TUT4: variants seen among roughly 807,000 people sequenced by gnomAD.
TUT4 encodes the protein terminal uridylyltransferase 4.
In TUT4, 36 loss-of-function variants were observed where a neutral mutation model predicts 192.2. That is an observed-to-expected ratio of 0.19 (90% CI 0.14 to 0.25). The LOEUF (loss-of-function observed/expected upper bound fraction) is 0.25, where lower values mean the gene tolerates loss of function less well. Ranked by LOEUF, TUT4 falls within the 10% of genes least tolerant of loss-of-function variation. The pLI, the probability that TUT4 is intolerant of heterozygous loss-of-function variation, is 1.00. For missense variants in TUT4, 1,493 were observed against 1,957.2 expected, an observed-to-expected ratio of 0.76 and a Z score of 4.47; for synonymous variants, 618 against 666.0, an observed-to-expected ratio of 0.93 and a Z score of 1.11.
At chr1:52,549,797 G>GAA (rs140197850) in intron 1 of TUT4, among the ~76,000 whole-genome samples, 3 of 150,100 alleles carry the variant, frequency 2.0e-5, no homozygotes, top group Non-Finnish European at 3.0e-5. Context: ...CTGAACGAGT[G>GAA]AAAAAAAAAT....
In TUT4 at chr1:52,446,451, A is replaced by T. The variant is rs1557676610; in HGVS notation, c.3514-9T>A. On this transcript the variant is annotated splice_polypyrimidine_tract_variant and intron_variant, in intron 21 of 29. Coordinates refer to ENST00000257177, the MANE Select transcript of TUT4 (RefSeq NM_001009881.3). Reference sequence around the variant, plus strand: ...GAAGGTAAACGCTTTTTCTACATATAAAAAAAAAAAGAAAAGAACAATGTC... The same window carrying T: ...GAAGGTAAACGCTTTTTCTACATATTAAAAAAAAAAGAAAAGAACAATGTC... 6.6e-6 allele frequency: 5 copies of T among 756,786 alleles called. No individual in the cohort carries two copies. Among genetic ancestry groups the T allele is most frequent in the South Asian group, 2.7e-5 (1 of 36,900 alleles). 46.9% of individuals were successfully genotyped at this position (756,786 alleles called of 1,614,324 possible).
Position 52,436,775 on chromosome 1 carries a change from T to C in TUT4, c.4142A>G (p.Gln1381Arg), listed in dbSNP as rs1205564486. ...RECPEVKLARQRNSSVAAAQL... is the reference protein window; with the variant it reads ...RECPEVKLARRRNSSVAAAQL... Reference sequence around the variant, plus strand: ...TTTACCTGCCACACTGCTATTCCTCTGACGGGCCAGCTTGACCTCTGGGCA... The same window carrying C: ...TTTACCTGCCACACTGCTATTCCTCCGACGGGCCAGCTTGACCTCTGGGCA... The change falls in exon 26 of 30, where the codon CAG (glutamine) becomes CGG (arginine). Residue 1381 changes from glutamine (Q) to arginine (R), a missense_variant. Gln to Arg is a conservative substitution (Grantham distance 43, BLOSUM62 1). Around this residue, in one of 7 missense-constraint regions of TUT4, gnomAD observed 351 missense variants for 397.8 expected, o/e 0.88. Coordinates refer to ENST00000257177, the MANE Select transcript of TUT4 (RefSeq NM_001009881.3). 42 of 1,613,738 alleles carry C rather than the reference T, an allele frequency of 2.6e-5. No homozygotes were observed. The highest frequency in any genetic ancestry group is 3.5e-5 in the Non-Finnish European group (41 of 1,180,028).
In TUT4 at chr1:52,497,180, T is replaced by C; in HGVS notation, c.1003A>G (p.Lys335Glu). 4 of 1,598,526 alleles carry C rather than the reference T, an allele frequency of 2.5e-6. No individual in the cohort carries two copies. The highest frequency in any genetic ancestry group is 3.4e-6 in the Non-Finnish European group (4 of 1,175,954). Residue 335 changes from lysine (K) to glutamate (E), a missense_variant, in exon 5 of 30, where the codon AAA (lysine) becomes GAA (glutamate). Coordinates refer to ENST00000257177, the MANE Select transcript of TUT4 (RefSeq NM_001009881.3). ...GAACGAAGCTCACTTTCTTCTTGTT[T>C]TTCCTATTAATGTAATGATTCACAA... ...EKRHKKNILEKQEESELRSLP... is the reference protein window; with the variant it reads ...EKRHKKNILEEQEESELRSLP...
At position 52,525,885 on chromosome 1, in the gene TUT4, T is replaced by G; in HGVS notation, c.396A>C (p.Pro132=). The change falls in exon 2 of 30, where the codon CCA becomes CCC. Residue 132 remains proline (P), a synonymous_variant. Transcript: ENST00000257177. The part of the protein sequence containing the change: ...TSLQAKAEKS[P]KSPNSVKAEK... Reference sequence around the variant, plus strand: ...CTGCTTTCACTGAATTAGGTGACTTTGGTGATTTTTCTGCTTTTGCCTGTA... The same window carrying G: ...CTGCTTTCACTGAATTAGGTGACTTGGGTGATTTTTCTGCTTTTGCCTGTA... The G allele has an allele frequency of 6.2e-7, 1 of 1,614,092 alleles. No homozygotes were observed. The highest frequency in any genetic ancestry group is 8.5e-7 in the Non-Finnish European group (1 of 1,180,020).
chr1:52,477,631 G>C, intron 12 of TUT4, 77 bp downstream of exon 12: 1 of 1,386,296 alleles, frequency 7.2e-7, no homozygotes, highest in Non-Finnish European at 9.8e-7. Context: ...CAAAGCCAAA[G>C]GATTATTAAC....
chr1:52,515,804 T>C (rs1557915487), intron 3 of TUT4, 87 bp downstream of exon 3: 1 of 1,506,220 alleles, frequency 6.6e-7, no homozygotes, highest in East Asian at 2.3e-5. Flanking sequence ...GTCTTATGAA[T>C]AAAAGAAAAA....
intron 20 of TUT4, among the ~76,000 whole-genome samples, chr1:52,457,724 T>C (rs943311504): frequency 2.0e-5 from 3 of 152,224 alleles, no homozygotes; most frequent in African/African-American, 7.2e-5. Flanking sequence ...AGATGGATGA[T>C]TAATATCTCC....
At chr1:52,439,382 G>C (rs975744048) in intron 24 of TUT4, among the ~76,000 whole-genome samples, 1 of 152,188 alleles carries the variant, frequency 6.6e-6, no homozygotes, top group Non-Finnish European at 1.5e-5. Context: ...GAACTAAAAA[G>C]AAGTAAATAA....
At chr1:52,517,760 CATTTT>C (rs1376008955) in intron 2 of TUT4, among the ~76,000 whole-genome samples, 5 of 152,026 alleles carry the variant, frequency 3.3e-5, no homozygotes, top group Non-Finnish European at 7.4e-5. Context: ...TTTTAGTAAC[CATTTT>C]ATTATGGAAA....
At position 52,515,743 on chromosome 1, in the gene TUT4, G is replaced by A; in HGVS notation, c.882+148C>T. Reference sequence around the variant, plus strand: ...AGAGGCAAGGAAGAAAAGAGGGAAAGAAGAAGAAAGGTAGAGAAGAGGGAA... The same window carrying A: ...AGAGGCAAGGAAGAAAAGAGGGAAAAAAGAAGAAAGGTAGAGAAGAGGGAA... On this transcript the variant is annotated intron_variant, in intron 3 of 29. Transcript: ENST00000257177. 3 of 864,578 alleles carry A rather than the reference G, an allele frequency of 3.5e-6. No individual in the cohort carries two copies. The South Asian group carries it at 5.2e-5, about 15-fold the overall frequency. The allele number at this position is 864,578 out of a possible 1,614,324, so 53.6% of individuals were successfully genotyped here.
At chr1:52,529,616 AACAAAGATTTGAAATAACAAT>A in intron 1 of TUT4, among the ~76,000 whole-genome samples, 1 of 152,152 alleles carries the variant, frequency 6.6e-6, no homozygotes. Context: ...GCCATAAAAC[AACAAAGATTTGAAATAACAAT>A]GCTGATTCAC....
chr1:52,493,468 T>A lies in TUT4; in HGVS notation c.1318+143A>T, dbSNP rs1051426231. ...TCTAGTATATCTATAAACAAGTGTG[T>A]GTATGTATCTCCATTTGTAATGCAA... is the stretch of plus-strand genomic sequence containing the variant. On this transcript the variant is annotated intron_variant, in intron 7 of 29. Coordinates refer to ENST00000257177, the MANE Select transcript of TUT4 (RefSeq NM_001009881.3). 26 of 584,874 alleles carry A rather than the reference T, an allele frequency of 4.4e-5. No homozygotes were observed. In the Middle Eastern group the frequency reaches 1.4e-3, roughly 32 times the overall value. The allele number at this position is 584,874 out of a possible 1,614,324, so 36.2% of individuals were successfully genotyped here. A position where few individuals can be genotyped will look rare whatever the true frequency, so the allele number is the denominator to read the frequency against.
At chr1:52,525,144 GGTTTTTTT>G (rs1375876113) in intron 2 of TUT4, among the ~76,000 whole-genome samples, 1 of 147,576 alleles carries the variant, frequency 6.8e-6, no homozygotes, top group African/African-American at 2.7e-5. Flanking sequence ...TAGGGCTATG[GGTTTTTTT>G]GTTTGTTTGT....
intron 25 of TUT4, among the ~76,000 whole-genome samples, chr1:52,437,996 A>C (rs1353611129): frequency 1.3e-5 from 2 of 152,114 alleles, no homozygotes; most frequent in East Asian, 1.9e-4. Flanking sequence ...ACAAAAAAAA[A>C]CTGAGTGAAT....
intron 2 of TUT4, 134 bp downstream of exon 2, chr1:52,525,429 T>C: frequency 1.7e-6 from 2 of 1,143,636 alleles, no homozygotes; most frequent in Non-Finnish European, 1.2e-6. Flanking sequence ...GTATTATTAA[T>C]GTGGATGTTT....
chr1:52,463,193 T>C, intron 16 of TUT4: 9 of 984,112 alleles, frequency 9.1e-6, no homozygotes, highest in Non-Finnish European at 9.7e-6. Context: ...CCTTAGTGAT[T>C]AGAAGTTTAA....
Position 52,488,922 on chromosome 1 carries a change from C to T in TUT4, c.1502G>A (p.Arg501His), listed in dbSNP as rs1228408496. 6 of 1,611,368 alleles carry T rather than the reference C, an allele frequency of 3.7e-6. No homozygotes were observed. Among genetic ancestry groups the T allele is most frequent in the East Asian group, 2.2e-5 (1 of 44,716 alleles). Residue 501 changes from arginine to histidine, a missense_variant, in exon 9 of 30, where the codon CGC becomes CAC. Physicochemically the swap from Arg to His is conservative, Grantham distance 29. Transcript: ENST00000257177. ...PVFIPLVLAF[R>H]YWAKLCYIDS... ...TCTTTCACTTACCTTAGCCCAGTAGCGAAAGGCTAACACCAAGGGAATAAA... is the reference window on the plus strand; with the variant it reads ...TCTTTCACTTACCTTAGCCCAGTAGTGAAAGGCTAACACCAAGGGAATAAA...
In TUT4 at chr1:52,474,957, C is replaced by T. The variant is rs193188872; in HGVS notation, c.2602G>A (p.Asp868Asn). The T allele has an allele frequency of 1.5e-4, 235 of 1,614,078 alleles. 1 individual carries two copies. In the Admixed American group the frequency reaches 3.5e-3, roughly 24 times the overall value. The change falls in exon 13 of 30, where the codon GAC becomes AAC. Residue 868 changes from aspartate (D) to asparagine (N), a missense_variant. Asp to Asn is a conservative substitution (Grantham distance 23). Transcript: ENST00000257177. ...CAGTTGCAAGAGGTAGCAGATGTGTCGGTGCACACACTCTGATGTGAACTC... is the reference window on the plus strand; with the variant it reads ...CAGTTGCAAGAGGTAGCAGATGTGTTGGTGCACACACTCTGATGTGAACTC... ...TESSHQSVCT[D>N]TSATSCNCKA...
intron 20 of TUT4, among the ~76,000 whole-genome samples, chr1:52,449,549 C>CT (rs1557685672): frequency 6.6e-6 from 1 of 152,190 alleles, no homozygotes; most frequent in African/African-American, 2.4e-5. Flanking sequence ...ATCTACCCCC[C>CT]TCGGCCGCCC....
Sources: gnomAD v4.1 joint callset for allele counts (sites outside exome capture counted in the v4.1 genomes callset) on GRCh38, gnomAD v4.1.1 for gene constraint, gnomAD v4.1.1 regional missense constraint, MANE v1.5 for transcripts, NCBI Gene and HGNC (gene_info 2026-07-23, HGNC 2026-07-21) for gene names.